SNTG2: variants seen among roughly 807,000 people sequenced by gnomAD.
SNTG2 encodes the protein syntrophin gamma 2, also known as gamma-2-syntrophin.
SNTG2 carries 74 observed loss-of-function variants against 70.9 expected under a neutral mutation model. That is an observed-to-expected ratio of 1.04 (90% CI 0.86 to 1.27). The LOEUF (loss-of-function observed/expected upper bound fraction) is 1.27, where lower values mean the gene tolerates loss of function less well. Among genes scored for constraint, SNTG2 ranks in the 50% most tolerant of loss-of-function variants. SNTG2 has a pLI of 0.00. For synonymous variants in SNTG2, 278 were observed against 273.8 expected, an observed-to-expected ratio of 1.02 and a Z score of -0.15; for missense variants, 717 against 690.7, an observed-to-expected ratio of 1.04 and a Z score of -0.43.
At chr2:1,327,364 A>T (rs1279626055) in intron 16 of SNTG2, among the ~76,000 whole-genome samples, 1 of 152,206 alleles carries the variant, frequency 6.6e-6, no homozygotes, top group Non-Finnish European at 1.5e-5. Context: ...TTGCTGTCTT[A>T]GTATTATATC....
chr2:1,059,363 A>C (rs1572332133), intron 1 of SNTG2: 1 of 27,522 alleles, frequency 3.6e-5, no homozygotes, highest in East Asian at 5.7e-3. Flanking sequence ...CAAAAGGGCA[A>C]AAAAAAAAAA....
At chr2:1,149,471 G>A (rs189965123) in intron 6 of SNTG2, among the ~76,000 whole-genome samples, 10 of 152,120 alleles carry the variant, frequency 6.6e-5, no homozygotes, top group Non-Finnish European at 1.5e-4. Context: ...GGGTTTTGCC[G>A]CTTATTTTCG....
intron 1 of SNTG2, among the ~76,000 whole-genome samples, chr2:1,030,117 T>C (rs1660732624): frequency 6.6e-6 from 1 of 152,216 alleles, no homozygotes; most frequent in Non-Finnish European, 1.5e-5. Context: ...TTCCTTCTTT[T>C]GTACATCGAT....
At chr2:1,057,270 A>C (rs1376714864) in intron 1 of SNTG2, among the ~76,000 whole-genome samples, 1 of 152,044 alleles carries the variant, frequency 6.6e-6, no homozygotes, top group Non-Finnish European at 1.5e-5. Flanking sequence ...TTTTATCTCT[A>C]TTCTGGCTGT....
chr2:1,166,916 G>A (rs902520010), intron 7 of SNTG2, among the ~76,000 whole-genome samples: 1 of 152,136 alleles, frequency 6.6e-6, no homozygotes, highest in Non-Finnish European at 1.5e-5. Flanking sequence ...GTGGTTGGAC[G>A]AGACTCCAGG....
intron 13 of SNTG2, among the ~76,000 whole-genome samples, chr2:1,261,540 T>G (rs1402220640): frequency 2.6e-5 from 4 of 152,192 alleles, no homozygotes; most frequent in African/African-American, 9.6e-5. Flanking sequence ...CAGCCTTGAT[T>G]GCAGTCGTGA....
At chr2:1,060,318 A>G (rs1558353014) in intron 1 of SNTG2, among the ~76,000 whole-genome samples, 1 of 152,200 alleles carries the variant, frequency 6.6e-6, no homozygotes, top group South Asian at 2.1e-4. Flanking sequence ...TAATATTGAT[A>G]CCTATCTAAT....
chr2:1,187,412 C>A (rs1558507807), intron 8 of SNTG2, among the ~76,000 whole-genome samples: 1 of 152,126 alleles, frequency 6.6e-6, no homozygotes, highest in Non-Finnish European at 1.5e-5. Context: ...GGTGACCTCA[C>A]CAAGCAAGAA....
At chr2:1,340,083 T>C (rs1322539796) in intron 16 of SNTG2, among the ~76,000 whole-genome samples, 1 of 152,246 alleles carries the variant, frequency 6.6e-6, no homozygotes, top group Non-Finnish European at 1.5e-5. Context: ...CCATGGCCTC[T>C]GACAATTTTC....
intron 1 of SNTG2, among the ~76,000 whole-genome samples, chr2:992,028 G>A (rs1337135021): frequency 6.6e-6 from 1 of 152,094 alleles, no homozygotes; most frequent in Non-Finnish European, 1.5e-5. Context: ...ATGTGATGCA[G>A]ATGAAGGAAA....
chr2:1,007,621 C>T (rs925619374), intron 1 of SNTG2, among the ~76,000 whole-genome samples: 1 of 149,858 alleles, frequency 6.7e-6, no homozygotes, highest in African/African-American at 2.5e-5. Context: ...GACTGCTTCT[C>T]TTAAACGATT....
chr2:985,457 C>CT (rs1351881831), intron 1 of SNTG2, among the ~76,000 whole-genome samples: 29 of 152,072 alleles, frequency 1.9e-4, no homozygotes, highest in Non-Finnish European at 2.9e-5. Context: ...TCAAATTAAG[C>CT]TGAGGGGCCC....
chr2:1,185,138 T>C (rs1303743092), intron 8 of SNTG2, among the ~76,000 whole-genome samples: 2 of 152,138 alleles, frequency 1.3e-5, no homozygotes, highest in Non-Finnish European at 2.9e-5. Context: ...ATCTTAAAGC[T>C]CCAAAATAAT....
chr2:1,162,062 A>G (rs1670344390), intron 6 of SNTG2, among the ~76,000 whole-genome samples: 1 of 90,676 alleles, frequency 1.1e-5, no homozygotes, highest in Admixed American at 1.9e-4. Flanking sequence ...CGACAGTGAG[A>G]CTCCGTCTCA....
At chr2:1,338,173 G>C (rs575705762) in intron 16 of SNTG2, among the ~76,000 whole-genome samples, 19 of 152,210 alleles carry the variant, frequency 1.2e-4, no homozygotes, top group Non-Finnish European at 1.8e-4. Flanking sequence ...TTTCAAGATT[G>C]TTTTGGCTAG....
At chr2:1,079,526 G>A (rs559042737) in intron 1 of SNTG2, among the ~76,000 whole-genome samples, 1 of 152,206 alleles carries the variant, frequency 6.6e-6, no homozygotes, top group Non-Finnish European at 1.5e-5. Flanking sequence ...TTCGCACGGT[G>A]TAATAAAACA....
intron 13 of SNTG2, among the ~76,000 whole-genome samples, chr2:1,262,497 G>T (rs1217048412): frequency 2.0e-5 from 3 of 152,248 alleles, no homozygotes; most frequent in South Asian, 2.1e-4. Flanking sequence ...GGCAGAGAAA[G>T]AACATACAAT....
At chr2:1,251,717 CAAAT>C (rs1404999205) in intron 12 of SNTG2, among the ~76,000 whole-genome samples, 10 of 147,360 alleles carry the variant, frequency 6.8e-5, no homozygotes, top group Non-Finnish European at 1.1e-4. Context: ...ACACACAACA[CAAAT>C]AGACACACAC....
chr2:1,022,526 C>T (rs1394798463), intron 1 of SNTG2, among the ~76,000 whole-genome samples: 2 of 151,914 alleles, frequency 1.3e-5, no homozygotes, highest in Non-Finnish European at 2.9e-5. Context: ...CCCGTGAGTC[C>T]TTGCATTCCC....
Sources: allele counts gnomAD v4.1 joint callset (sites outside exome capture counted in the v4.1 genomes callset), GRCh38; gene constraint gnomAD v4.1.1; transcripts MANE v1.5; gene names NCBI Gene and HGNC (gene_info 2026-07-23, HGNC 2026-07-21).